The following CACNA1G variants were observed in gnomAD, a reference collection of about 807,000 sequenced individuals.
CACNA1G encodes calcium voltage-gated channel subunit alpha1 G.
CACNA1G carries 67 observed loss-of-function variants against 219.4 expected under a neutral mutation model. The ratio of observed to expected loss-of-function variants is 0.31; its 90% CI spans 0.25 to 0.37. CACNA1G has a LOEUF of 0.37. CACNA1G is among the 10% of genes least tolerant of loss of function. CACNA1G has a pLI of 1.00. For missense variants in CACNA1G, 2,380 were observed against 3,231.4 expected, an observed-to-expected ratio of 0.74 and a Z score of 6.39; for synonymous variants, 1,296 against 1,345.3, an observed-to-expected ratio of 0.96 and a Z score of 0.80.
chr17:50,609,618 A>T (rs1277525380), intron 25 of CACNA1G, among the ~76,000 whole-genome samples: 1 of 152,130 alleles, frequency 6.6e-6, no homozygotes, highest in Admixed American at 6.5e-5. Context: ...GGAGAAGCGG[A>T]CATCTGTTCT....
chr17:50,582,524 A>T (rs2042167687), intron 9 of CACNA1G, among the ~76,000 whole-genome samples: 1 of 152,136 alleles, frequency 6.6e-6, no homozygotes, highest in South Asian at 2.1e-4. Flanking sequence ...TGTTGCATAC[A>T]AGGTGCCTGC....
intron 7 of CACNA1G, 70 bp from the exon 8 acceptor site, chr17:50,575,473 G>A (rs958171091): frequency 6.8e-7 from 1 of 1,466,156 alleles, no homozygotes; most frequent in Non-Finnish European, 9.2e-7. Context: ...GAATGCCTCC[G>A]TATGTGGTGG....
At position 50,576,304 on chromosome 17, in the gene CACNA1G, G is replaced by T; in HGVS notation, c.1902G>T (p.Lys634Asn). The T allele has an allele frequency of 6.3e-7, 1 of 1,576,360 alleles. No individual in the cohort carries two copies. The highest frequency in any genetic ancestry group is 8.6e-7 in the Non-Finnish European group (1 of 1,161,322). The change falls in exon 8 of 38, where the codon AAG (lysine) becomes AAT (asparagine). Residue 634 changes from lysine to asparagine, a missense_variant. Transcript: ENST00000359106. ...IPPGPYSSMHKLLETQSTGAC... is the reference protein window; with the variant it reads ...IPPGPYSSMHNLLETQSTGAC... ...CCGGGCCCTACAGCTCCATGCACAA[G>T]CTGCTGGAGACACAGAGTACAGGTG...
chr17:50,596,116 G>T lies in CACNA1G; in HGVS notation c.2980-446G>T, dbSNP rs1020150317. Among the ~76,000 whole-genome samples the T allele has an allele frequency of 3.3e-5, 5 of 152,120 alleles. No homozygotes were observed. Among genetic ancestry groups the T allele is most frequent in the African/African-American group, 1.2e-4 (5 of 41,404 alleles). The stretch of plus-strand genomic sequence containing the variant: ...TGGGGTCTTTCAATTTCCTTCCAGG[G>T]TCCTCGAGTCTGAGGCTCAGGGGAG... On this transcript the variant is annotated intron_variant, in intron 14 of 37. Coordinates refer to ENST00000359106, the MANE Select transcript of CACNA1G (RefSeq NM_018896.5). This position sits in a 1 kb window ranked among gnomAD's most constrained non-coding sequence, Gnocchi z 4.8.
chr17:50,578,292 G>A lies in CACNA1G; in HGVS notation c.2029G>A (p.Glu677Lys), dbSNP rs1438136218. The A allele has an allele frequency of 3.7e-6, 6 of 1,613,070 alleles. No individual in the cohort carries two copies. Among genetic ancestry groups the A allele is most frequent in the Non-Finnish European group, 5.1e-6 (6 of 1,179,880 alleles). ...CTACTGTGCCCGGGCCGGGGCAGGG[G>A]AGGTGGAGCTCGCCGACCGTGAAAT... ...CPYCARAGAG[E>K]VELADREMPD... Residue 677 changes from glutamate (E) to lysine (K), a missense_variant, in exon 9 of 38, where the codon GAG (glutamate) becomes AAG (lysine). Around this residue, in one of 17 missense-constraint regions of CACNA1G, gnomAD observed 434 missense variants for 417.3 expected, o/e 1.04. Coordinates refer to ENST00000359106, the MANE Select transcript of CACNA1G (RefSeq NM_018896.5). The surrounding 1 kb of genome is among the most constrained non-coding windows in gnomAD (Gnocchi z 4.5).
In CACNA1G at chr17:50,621,341, G is replaced by A. The variant is rs897816827; in HGVS notation, c.5926-319G>A. ...CCCGCTCCCTCCCTGGGTGGTGGTA[G>A]TGTGGGAGGGGCTGGGGAGGCTCCT... On this transcript the variant is annotated intron_variant, in intron 34 of 37. Coordinates refer to ENST00000359106, the MANE Select transcript of CACNA1G (RefSeq NM_018896.5). This position sits in a 1 kb window ranked among gnomAD's most constrained non-coding sequence, Gnocchi z 4.6. Among the ~76,000 whole-genome samples the A allele has an allele frequency of 8.6e-5, 13 of 152,014 alleles. No homozygotes were observed. The highest frequency in any genetic ancestry group is 2.9e-4 in the African/African-American group (12 of 41,358).
chr17:50,608,697 G>A (rs1424553239), intron 25 of CACNA1G, among the ~76,000 whole-genome samples: 1 of 152,170 alleles, frequency 6.6e-6, no homozygotes, highest in East Asian at 1.9e-4. Context: ...CATTGGGTGG[G>A]TGAAGCCCCC....
Position 50,626,740 on chromosome 17 carries a change from C to G in CACNA1G, c.7123C>G (p.Leu2375Val), listed in dbSNP as rs564390857. Residue 2375 changes from leucine to valine, a missense_variant, in exon 38 of 38, where the codon CTG (leucine) becomes GTG (valine). Leu to Val is a conservative substitution (Grantham distance 32). Transcript: ENST00000359106. The surrounding 1 kb of genome is among the most constrained non-coding windows in gnomAD (Gnocchi z 4.3). ...LSGLSSDPAD[L>V]DP is the part of the protein sequence containing the mutation. ...CGGTTTATCCTCTGACCCAGCAGAC[C>G]TGGACCCCTGAGTCCTGCCCCACTT... is the stretch of plus-strand genomic sequence containing the variant. 1.2e-6 allele frequency: 2 copies of G among 1,613,194 alleles called. No homozygotes were observed. The highest frequency in any genetic ancestry group is 4.5e-5 in the East Asian group (2 of 44,868).
intron 9 of CACNA1G, among the ~76,000 whole-genome samples, chr17:50,589,912 C>CTGTGTGTGTGTG (rs58484176): frequency 9.2e-5 from 13 of 141,924 alleles, no homozygotes; most frequent in African/African-American, 3.4e-4. Flanking sequence ...CTCTCTCTCT[C>CTGTGTGTGTGTG]TGTGTGTGTG....
At chr17:50,572,391 T>A (rs2039652322) in intron 5 of CACNA1G, among the ~76,000 whole-genome samples, 163 bp from the exon 6 acceptor site, 1 of 152,128 alleles carries the variant, frequency 6.6e-6, no homozygotes. Flanking sequence ...CTCATGCTCC[T>A]GGTGCCCACA....
chr17:50,572,894 A>G (rs747306361), intron 6 of CACNA1G, 40 bp downstream of exon 6: 1 of 1,598,528 alleles, frequency 6.3e-7, no homozygotes, highest in Middle Eastern at 1.7e-4. Context: ...CCAGAACACC[A>G]GCCCCAGGAC....
chr17:50,619,858 C>A, intron 34 of CACNA1G, 32 bp downstream of exon 34: 1 of 1,576,498 alleles, frequency 6.3e-7, no homozygotes, highest in Non-Finnish European at 8.6e-7. Context: ...GCCCTCTCCC[C>A]TGACCGTGCT....
In CACNA1G at chr17:50,605,969, C is replaced by T. The variant is rs371304245; in HGVS notation, c.4368C>T (p.Ala1456=). The T allele has an allele frequency of 4.2e-5, 67 of 1,613,700 alleles. No homozygotes were observed. Among genetic ancestry groups the T allele is most frequent in the Middle Eastern group, 3.3e-4 (2 of 6,084 alleles). ...ACATCACCAATAAATCGGACTGTGC[C>T]GAGGCCAGTTACCGGTGGGTCCGGC... The part of the protein sequence containing the change: ...TRNITNKSDC[A]EASYRWVRHK... The change falls in exon 23 of 38, where the codon GCC becomes GCT. Residue 1456 remains alanine, a synonymous_variant. Transcript: ENST00000359106.
Position 50,624,290 on chromosome 17 carries a change from A to C in CACNA1G, c.6230-70A>C. On this transcript the variant is annotated intron_variant, in intron 36 of 37. Coordinates refer to ENST00000359106, the MANE Select transcript of CACNA1G (RefSeq NM_018896.5). ...GAGTGGAAGGGAGGGCTCAGGTGAGAACCTGCTCCCCTGAACCCTCCAGCT... is the reference window on the plus strand; with the variant it reads ...GAGTGGAAGGGAGGGCTCAGGTGAGCACCTGCTCCCCTGAACCCTCCAGCT... 3.7e-6 allele frequency: 5 copies of C among 1,365,138 alleles called. No homozygotes were observed. In the South Asian group the frequency reaches 6.3e-5, roughly 17 times the overall value. 84.6% of individuals were successfully genotyped at this position (1,365,138 alleles called of 1,614,324 possible). A position where few individuals can be genotyped will look rare whatever the true frequency, so the allele number is the denominator to read the frequency against.
At chr17:50,582,095 C>T (rs1461376805) in intron 9 of CACNA1G, among the ~76,000 whole-genome samples, 1 of 152,210 alleles carries the variant, frequency 6.6e-6, no homozygotes, top group East Asian at 1.9e-4. Flanking sequence ...GGGCCCAAGG[C>T]ACTGTCCTTC....
intron 35 of CACNA1G, among the ~76,000 whole-genome samples, chr17:50,623,263 A>ATTTTTTT (rs35058899): frequency 3.9e-5 from 2 of 50,984 alleles, no homozygotes; most frequent in Admixed American, 3.1e-4. Context: ...TATCCAGCTA[A>ATTTTTTT]TTTTTTTTTT....
chr17:50,592,677 C>T (rs1295030876), intron 13 of CACNA1G, among the ~76,000 whole-genome samples: 1 of 152,216 alleles, frequency 6.6e-6, no homozygotes, highest in African/African-American at 2.4e-5. Context: ...ATTGATCCTG[C>T]CCTTGCCATG....
In CACNA1G at chr17:50,560,724, G is replaced by T. The variant is rs1197079291; in HGVS notation, c.-736G>T. On this transcript the variant is annotated 5_prime_UTR_variant, in exon 1 of 38. Transcript: ENST00000359106. ...GGGATCCAGCTGTGGTGTGCGCGGG[G>T]CTCCTCGCCGCCGCTTTCGCTCGCT... 6.6e-6 allele frequency among the ~76,000 whole-genome samples: 1 copy of T among 152,190 alleles called. No individual in the cohort carries two copies. The highest frequency in any genetic ancestry group is 6.5e-5 in the Admixed American group (1 of 15,286).
In CACNA1G at chr17:50,600,803, C is replaced by T. The variant is rs2145786612; in HGVS notation, c.3768C>T (p.Ala1256=). 1 of 1,613,832 alleles carries T rather than the reference C, an allele frequency of 6.2e-7. No individual in the cohort carries two copies. The highest frequency in any genetic ancestry group is 8.5e-7 in the Non-Finnish European group (1 of 1,179,824). ...ACCLERDSWS[A]YIFPPQSRFR... ...GCCTCGAGCGAGACTCCTGGTCAGC[C>T]TACATCTTCCCTCCTCAGTCCAGGT... is the stretch of plus-strand genomic sequence containing the variant. The change falls in exon 18 of 38, where the codon GCC becomes GCT. Residue 1256 remains alanine (A), a synonymous_variant. Transcript: ENST00000359106. This position sits in a 1 kb window ranked among gnomAD's most constrained non-coding sequence, Gnocchi z 4.1.
Sources: gnomAD v4.1 joint callset for allele counts (sites outside exome capture counted in the v4.1 genomes callset) on GRCh38, gnomAD v4.1.1 for gene constraint, gnomAD v4.1.1 regional missense constraint, Gnocchi (gnomAD v3.1) non-coding constraint, MANE v1.5 for transcripts, NCBI Gene and HGNC (gene_info 2026-07-23, HGNC 2026-07-21) for gene names.